The following ADAMTSL2 variants were observed in gnomAD, a reference collection of about 807,000 sequenced individuals.
ADAMTSL2 encodes ADAMTS-like protein 2.
Under a neutral mutation model 117.0 loss-of-function variants are expected in ADAMTSL2, and 55 were observed. The ratio of observed to expected loss-of-function variants is 0.47; its 90% confidence interval spans 0.38 to 0.59. The LOEUF (loss-of-function observed/expected upper bound fraction) is 0.59. Among genes scored for constraint, ADAMTSL2 ranks in the 20% least tolerant of loss-of-function variants. ADAMTSL2 has a pLI of 0.00. For synonymous variants in ADAMTSL2, 572 were observed against 566.4 expected (o/e 1.01, Z -0.14); for missense variants, 1,182 against 1,354.5 (o/e 0.87, Z 2.00).
At position 133,574,007 on chromosome 9, in the gene ADAMTSL2, A is replaced by G; in HGVS notation, c.2737+20A>G. ...CCCCAGGTGAGGCGCGGGGAGGCCG[A>G]GGGTGGCTCTGGGAATTCCCAGGGG... On this transcript the variant is annotated intron_variant, in intron 18 of 18. Transcript: ENST00000651351. 6.2e-7 allele frequency: 1 copy of G among 1,605,626 alleles called. No individual in the cohort carries two copies. The highest frequency in any genetic ancestry group is 8.5e-7 in the Non-Finnish European group (1 of 1,176,582).
Position 133,568,651 on chromosome 9 carries a change from T to C in ADAMTSL2, c.2137T>C (p.Cys713Arg). ...CAGTGTGGTGACCAGGGACATCCGC[T>C]GCTCGGAGGATGAGAAGCTGTGTGA... is the stretch of plus-strand genomic sequence containing the variant. Reference protein sequence around the residue: ...ERSVVTRDIRCSEDEKLCDPN... With the variant: ...ERSVVTRDIRRSEDEKLCDPN... The change falls in exon 15 of 19, where the codon TGC (cysteine) becomes CGC (arginine). Residue 713 changes from cysteine to arginine, a missense_variant. Cys to Arg is a radical substitution (Grantham distance 180). This residue lies in a region of ADAMTSL2 where 465 missense variants were observed against 565.3 expected (regional missense o/e 0.82). Coordinates refer to ENST00000651351, the MANE Select transcript of ADAMTSL2 (RefSeq NM_014694.4). 1 of 1,613,296 alleles carries C rather than the reference T, an allele frequency of 6.2e-7. No homozygotes were observed. The highest frequency in any genetic ancestry group is 8.5e-7 in the Non-Finnish European group (1 of 1,179,972).
In ADAMTSL2 at chr9:133,541,067, C is replaced by T. The variant is rs1830211857; in HGVS notation, c.682+66C>T. The T allele has an allele frequency of 6.4e-6, 10 of 1,565,970 alleles. No individual in the cohort carries two copies. In the South Asian group the frequency reaches 1.2e-4, roughly 18 times the overall value. On this transcript the variant is annotated intron_variant, in intron 7 of 18. Transcript: ENST00000651351. ...CTGGGAATCGGGGGTCCTGAGTGTGCTCCTGTCTGCAGCCTCCTGTGTACC... is the reference window on the plus strand; with the variant it reads ...CTGGGAATCGGGGGTCCTGAGTGTGTTCCTGTCTGCAGCCTCCTGTGTACC...
intron 8 of ADAMTSL2, 36 bp downstream of exon 8, chr9:133,544,586 C>T: frequency 6.3e-7 from 1 of 1,580,992 alleles, no homozygotes. Flanking sequence ...CCTCACTGAG[C>T]TTTTGGTTGT....
rs770561616 is a variant in ADAMTSL2, at chr9:133,554,511, C to T, written c.1094C>T (p.Pro365Leu). 114 of 1,549,920 alleles carry T rather than the reference C, an allele frequency of 7.4e-5. 1 individual carries two copies. In the South Asian group the frequency reaches 1.1e-3, roughly 15 times the overall value. Residue 365 changes from proline (P) to leucine (L), a missense_variant, in exon 10 of 19, where the codon CCG becomes CTG. By Grantham distance (98) the Pro-to-Leu change is moderately conservative. Coordinates refer to ENST00000651351, the MANE Select transcript of ADAMTSL2 (RefSeq NM_014694.4). This position sits in a 1 kb window ranked among gnomAD's most constrained non-coding sequence, Gnocchi z 5.2. ...GGGGCCGGGCTGATGGGCTTCGTCC[C>T]GCACAACGGCTCCCTCTACGGCCAG... ...LDGAGLMGFVPHNGSLYGQAS... is the reference protein window; with the variant it reads ...LDGAGLMGFVLHNGSLYGQAS...
chr9:133,569,724 T>G (rs1831060390), intron 16 of ADAMTSL2, 146 bp downstream of exon 16: 1 of 892,718 alleles, frequency 1.1e-6, no homozygotes, highest in Non-Finnish European at 1.7e-6. Flanking sequence ...AAAAATTAAT[T>G]TAGAATACAA....
In ADAMTSL2 at chr9:133,536,817, G is replaced by A; in HGVS notation, c.90+15G>A. ...CCGGGTCCACGGTGAGTGGGGTGTTGTGGTCTGAGGGCCCATGCCAGTCCC... is the reference window on the plus strand; with the variant it reads ...CCGGGTCCACGGTGAGTGGGGTGTTATGGTCTGAGGGCCCATGCCAGTCCC... On this transcript the variant is annotated intron_variant, in intron 2 of 18. Coordinates refer to ENST00000651351, the MANE Select transcript of ADAMTSL2 (RefSeq NM_014694.4). 8 of 1,614,096 alleles carry A rather than the reference G, an allele frequency of 5.0e-6. No individual in the cohort carries two copies. The highest frequency in any genetic ancestry group is 6.8e-6 in the Non-Finnish European group (8 of 1,180,032).
intron 12 of ADAMTSL2, among the ~76,000 whole-genome samples, chr9:133,562,851 A>G (rs1168074787): frequency 1.7e-5 from 2 of 119,098 alleles, no homozygotes; most frequent in East Asian, 4.7e-4. Context: ...CGGCTTGGCC[A>G]GGCTCGCACC....
At chr9:133,569,953 C>T (rs1053103438) in intron 16 of ADAMTSL2, among the ~76,000 whole-genome samples, 1 of 152,228 alleles carries the variant, frequency 6.6e-6, no homozygotes, top group East Asian at 1.9e-4. Context: ...CACCTGTCAT[C>T]GTCACCAACT....
intron 17 of ADAMTSL2, among the ~76,000 whole-genome samples, chr9:133,572,421 C>T (rs1482060139): frequency 6.6e-6 from 1 of 152,126 alleles, no homozygotes; most frequent in Non-Finnish European, 1.5e-5. Context: ...GGCCCTGAAG[C>T]CTCCTTCTGG....
Position 133,555,574 on chromosome 9 carries a change from G to T in ADAMTSL2, c.1293G>T (p.Gly431=), listed in dbSNP as rs1229914998. Residue 431 remains glycine (G), a synonymous_variant, in exon 11 of 19, where the codon GGG becomes GGT. Transcript: ENST00000651351. ...GKGFRDRNVT[G]TPLTGDKDDE... ...CCTCTCCAGACCGCAACGTCACGGG[G>T]ACTCCTCTCACCGGGGACAAGGATG... 16 of 1,612,974 alleles carry T rather than the reference G, an allele frequency of 9.9e-6. No individual in the cohort carries two copies. Among genetic ancestry groups the T allele is most frequent in the Non-Finnish European group, 1.4e-5 (16 of 1,180,036 alleles).
chr9:133,545,733 G>A (rs1395184739), intron 8 of ADAMTSL2, among the ~76,000 whole-genome samples: 3 of 152,178 alleles, frequency 2.0e-5, no homozygotes, highest in Admixed American at 1.3e-4. Context: ...GAAATACCAA[G>A]GGTGGGCTCG....
At chr9:133,574,045 A>C in intron 18 of ADAMTSL2, 58 bp downstream of exon 18, 2 of 1,565,066 alleles carry the variant, frequency 1.3e-6, no homozygotes, top group Non-Finnish European at 1.7e-6. Flanking sequence ...GCGAGGACAG[A>C]GTCAGGGCCT....
At chr9:133,535,492 G>A (rs535322491) in intron 1 of ADAMTSL2, among the ~76,000 whole-genome samples, 82 of 152,310 alleles carry the variant, frequency 5.4e-4, no homozygotes, top group Non-Finnish European at 5.9e-4. Flanking sequence ...AAATCTGCAG[G>A]TGCCGGGCCT....
intron 17 of ADAMTSL2, among the ~76,000 whole-genome samples, chr9:133,571,261 G>A (rs1433651943): frequency 6.6e-5 from 10 of 152,280 alleles, no homozygotes; most frequent in African/African-American, 1.7e-4. Flanking sequence ...TGGCCCACTC[G>A]GGGTCCCACA....
Position 133,554,147 on chromosome 9 carries a change from C to T in ADAMTSL2, c.940-210C>T, listed in dbSNP as rs1830549639. On this transcript the variant is annotated intron_variant, in intron 9 of 18. Coordinates refer to ENST00000651351, the MANE Select transcript of ADAMTSL2 (RefSeq NM_014694.4). This position sits in a 1 kb window ranked among gnomAD's most constrained non-coding sequence, Gnocchi z 5.2. ...GGCCACTCCCCCCACCACACATCCC[C>T]AGCCCCCGCCCTGTTCCCAGGCTCT... Among the ~76,000 whole-genome samples the T allele has an allele frequency of 6.6e-6, 1 of 152,368 alleles. No individual in the cohort carries two copies. The highest frequency in any genetic ancestry group is 2.1e-4 in the South Asian group (1 of 4,832).
At chr9:133,568,547 T>G in intron 14 of ADAMTSL2, 56 bp from the exon 15 acceptor site, 13 of 1,561,130 alleles carry the variant, frequency 8.3e-6, no homozygotes, top group East Asian at 2.4e-5. Flanking sequence ...GCTTGGGAGA[T>G]GGAGGTGGCT....
chr9:133,574,830 C>T lies in ADAMTSL2; in HGVS notation c.2822C>T (p.Ala941Val), dbSNP rs913201150. The change falls in exon 19 of 19, where the codon GCG becomes GTG. Residue 941 changes from alanine (A) to valine (V), a missense_variant. Physicochemically the swap from Ala to Val is moderately conservative, Grantham distance 64 (BLOSUM62 0). Coordinates refer to ENST00000651351, the MANE Select transcript of ADAMTSL2 (RefSeq NM_014694.4). ...NLCGHWYYSKACCRSCRPPHS is the reference protein window; with the variant it reads ...NLCGHWYYSKVCCRSCRPPHS ...TGCGGGCACTGGTACTACAGCAAGG[C>T]GTGCTGCCGCTCCTGCAGGCCCCCC... 34 of 1,613,376 alleles carry T rather than the reference C, an allele frequency of 2.1e-5. No homozygotes were observed. Among genetic ancestry groups the T allele is most frequent in the South Asian group, 3.3e-5 (3 of 91,086 alleles).
intron 8 of ADAMTSL2, among the ~76,000 whole-genome samples, chr9:133,545,821 C>T (rs1363680666): frequency 1.3e-5 from 2 of 152,176 alleles, no homozygotes; most frequent in Non-Finnish European, 2.9e-5. Context: ...GGATTTAACC[C>T]TGTGCATATA....
intron 17 of ADAMTSL2, among the ~76,000 whole-genome samples, chr9:133,571,589 C>G (rs1168436961): frequency 2.0e-5 from 3 of 152,228 alleles, no homozygotes; most frequent in Non-Finnish European, 2.9e-5. Context: ...GTGGGTGCCC[C>G]TCTGCCTTCT....
Sources: gnomAD v4.1 joint callset for allele counts (sites outside exome capture counted in the v4.1 genomes callset) on GRCh38, gnomAD v4.1.1 for gene constraint, gnomAD v4.1.1 regional missense constraint, Gnocchi (gnomAD v3.1) non-coding constraint, MANE v1.5 for transcripts, NCBI Gene and HGNC (gene_info 2026-07-23, HGNC 2026-07-21) for gene names.